RXRG: variants seen among roughly 807,000 people sequenced by gnomAD.
RXRG encodes retinoid X receptor gamma, also known as retinoic acid receptor RXR-gamma.
In RXRG, 19 loss-of-function variants were observed where a neutral mutation model predicts 49.2. That is an observed-to-expected ratio of 0.39 (90% CI 0.27 to 0.57). RXRG has a LOEUF of 0.57. RXRG is among the 20% of genes least tolerant of loss of function. The probability of loss-of-function intolerance (pLI) is 0.64; values close to 1 mark genes in which losing one functional copy is unlikely to be tolerated. For synonymous variants in RXRG, 224 were observed against 216.6 expected (o/e 1.03, Z -0.30); for missense variants, 452 against 592.5 (o/e 0.76, Z 2.46).
chr1:165,415,796 G>A (rs1011743114), intron 4 of RXRG, among the ~76,000 whole-genome samples: 1 of 152,186 alleles, frequency 6.6e-6, no homozygotes, highest in African/African-American at 2.4e-5. Flanking sequence ...TTTTGAGGTT[G>A]CTGTTAAATG....
At chr1:165,439,443 G>C (rs1169502013) in intron 1 of RXRG, among the ~76,000 whole-genome samples, 1 of 152,202 alleles carries the variant, frequency 6.6e-6, no homozygotes, top group Non-Finnish European at 1.5e-5. Flanking sequence ...AATCCAGGTG[G>C]AACTGCCCTG....
chr1:165,408,176 C>G (rs1478035843), intron 8 of RXRG, 51 bp downstream of exon 8: 1 of 1,371,442 alleles, frequency 7.3e-7, no homozygotes, highest in East Asian at 2.3e-5. Flanking sequence ...TGGAGGTTGA[C>G]CGTGGAAGAG....
At position 165,445,058 on chromosome 1, in the gene RXRG, C is replaced by A. The variant is rs1309704815; in HGVS notation, c.-165G>T. The A allele has an allele frequency of 6.2e-6, 4 of 640,338 alleles. No individual in the cohort carries two copies. The highest frequency in any genetic ancestry group is 2.5e-5 in the Admixed American group (1 of 40,470). The allele number at this position is 640,338 out of a possible 1,614,324, so 39.7% of individuals were successfully genotyped here. A position where few individuals can be genotyped will look rare whatever the true frequency, so the allele number is the denominator to read the frequency against. On this transcript the variant is annotated 5_prime_UTR_variant, in exon 1 of 10. Coordinates refer to ENST00000359842, the MANE Select transcript of RXRG (RefSeq NM_006917.5). ...GCTGGGCCAGCCCTCTGGGATTAGTCAGGAATCTGCCTCTAGATCGGAGAG... is the reference window on the plus strand; with the variant it reads ...GCTGGGCCAGCCCTCTGGGATTAGTAAGGAATCTGCCTCTAGATCGGAGAG...
rs140650342 is a variant in RXRG at position 165,432,051 on chromosome 1, A to G, written c.50-3085T>C. Among the ~76,000 whole-genome samples the G allele has an allele frequency of 1.3e-3, 194 of 152,346 alleles. 1 individual carries two copies. The highest frequency in any genetic ancestry group is 2.6e-3 in the Admixed American group (40 of 15,302). On this transcript the variant is annotated intron_variant, in intron 1 of 9. Coordinates refer to ENST00000359842, the MANE Select transcript of RXRG (RefSeq NM_006917.5). The stretch of plus-strand genomic sequence containing the variant: ...AAGGAATGATGTTTAAAAAACATCA[A>G]CCTGCATAAAAATATACAAATATGG...
At chr1:165,413,119 C>G (rs1658006672) in intron 4 of RXRG, among the ~76,000 whole-genome samples, 1 of 152,148 alleles carries the variant, frequency 6.6e-6, no homozygotes, top group Admixed American at 6.6e-5. Context: ...TTGCTATTCA[C>G]TTTTCCTCTT....
chr1:165,431,907 T>C (rs1249150633), intron 1 of RXRG, among the ~76,000 whole-genome samples: 1 of 152,252 alleles, frequency 6.6e-6, no homozygotes, highest in Non-Finnish European at 1.5e-5. Flanking sequence ...GAGCTCTCAT[T>C]TCTTGTTATA....
At chr1:165,438,669 A>G (rs1335089032) in intron 1 of RXRG, among the ~76,000 whole-genome samples, 2 of 152,242 alleles carry the variant, frequency 1.3e-5, no homozygotes, top group African/African-American at 2.4e-5. Context: ...GTTTTTGCCT[A>G]TATGGCCTTG....
chr1:165,412,042 C>T (rs1462066920), intron 4 of RXRG, among the ~76,000 whole-genome samples: 1 of 152,206 alleles, frequency 6.6e-6, no homozygotes, highest in Admixed American at 6.5e-5. Flanking sequence ...AACTCCATGA[C>T]AGCTACTCCA....
chr1:165,434,388 A>G (rs1419057796), intron 1 of RXRG, among the ~76,000 whole-genome samples: 11 of 152,080 alleles, frequency 7.2e-5, no homozygotes, highest in Admixed American at 5.2e-4. Context: ...AAGGTAAGGA[A>G]GTTGCTTAGC....
In RXRG at chr1:165,437,103, T is replaced by G. The variant is rs375778891; in HGVS notation, c.49+7742A>C. The stretch of plus-strand genomic sequence containing the variant: ...TTCATTTTACTGGTCACTAGTGTCA[T>G]GGGGAAGCAGCCTCCTGGAGGGTTC... On this transcript the variant is annotated intron_variant, in intron 1 of 9. Transcript: ENST00000359842. The G allele has an allele frequency of 1.1e-5, 15 of 1,363,110 alleles. No homozygotes were observed. The African/African-American group carries it at 2.2e-4, about 20-fold the overall frequency. The allele number at this position is 1,363,110 out of a possible 1,614,324, so 84.4% of individuals were successfully genotyped here.
chr1:165,415,864 T>C (rs1658106754), intron 4 of RXRG, among the ~76,000 whole-genome samples: 1 of 152,140 alleles, frequency 6.6e-6, no homozygotes, highest in Non-Finnish European at 1.5e-5. Context: ...AGACACAGAC[T>C]AGGGCTGATC....
At chr1:165,423,545 A>C (rs187163469) in intron 2 of RXRG, among the ~76,000 whole-genome samples, 31 of 152,324 alleles carry the variant, frequency 2.0e-4, no homozygotes, top group African/African-American at 7.0e-4. Flanking sequence ...CAGAACTCTT[A>C]TAGTGGCACA....
chr1:165,416,428 C>A (rs190676245), intron 4 of RXRG, among the ~76,000 whole-genome samples: 1 of 152,132 alleles, frequency 6.6e-6, no homozygotes, highest in African/African-American at 2.4e-5. Flanking sequence ...TTTCAACACA[C>A]AGTGGTGGTC....
intron 6 of RXRG, 52 bp downstream of exon 6, chr1:165,410,650 C>G (rs1262481147): frequency 2.3e-5 from 37 of 1,606,918 alleles, no homozygotes; most frequent in Non-Finnish European, 3.1e-5. Context: ...TTTAGGATCC[C>G]AAGAGCAATT....
intron 6 of RXRG, 73 bp downstream of exon 6, chr1:165,410,629 A>C: frequency 3.2e-6 from 5 of 1,560,346 alleles, no homozygotes; most frequent in Non-Finnish European, 4.4e-6. Context: ...CAGCTCCATC[A>C]GGCTACTTTT....
At chr1:165,435,592 C>A (rs1658797487) in intron 1 of RXRG, among the ~76,000 whole-genome samples, 1 of 152,144 alleles carries the variant, frequency 6.6e-6, no homozygotes, top group Non-Finnish European at 1.5e-5. Context: ...TATGTAAGAA[C>A]AACTAAGATA....
At chr1:165,422,414 T>C (rs1658351205) in intron 2 of RXRG, among the ~76,000 whole-genome samples, 1 of 152,204 alleles carries the variant, frequency 6.6e-6, no homozygotes, top group African/African-American at 2.4e-5. Flanking sequence ...TAAAAGTCAG[T>C]TTGGATCATT....
chr1:165,415,488 G>C (rs933979408), intron 4 of RXRG, among the ~76,000 whole-genome samples: 4 of 152,224 alleles, frequency 2.6e-5, no homozygotes, highest in Admixed American at 2.0e-4. Context: ...GGAGGACAAA[G>C]ATGGAAGCAG....
At chr1:165,408,174 G>A (rs1387995903) in intron 8 of RXRG, 53 bp downstream of exon 8, 2 of 1,348,074 alleles carry the variant, frequency 1.5e-6, no homozygotes, top group Non-Finnish European at 2.1e-6. Context: ...ACTGGAGGTT[G>A]ACCGTGGAAG....
Sources: allele counts gnomAD v4.1 joint callset (sites outside exome capture counted in the v4.1 genomes callset), GRCh38; gene constraint gnomAD v4.1.1; transcripts MANE v1.5; gene names NCBI Gene and HGNC (gene_info 2026-07-23, HGNC 2026-07-21).